Variants in U2SURP observed in about 807,000 individuals in gnomAD.
U2SURP encodes the protein U2 snRNP-associated SURP motif-containing protein.
U2SURP carries 9 observed loss-of-function variants against 144.9 expected under a neutral mutation model. The ratio of observed to expected loss-of-function variants is 0.06; its 90% CI spans 0.04 to 0.11. The LOEUF (loss-of-function observed/expected upper bound fraction) is 0.11. Among genes scored for constraint, U2SURP ranks in the 10% least tolerant of loss-of-function variants. The pLI is 1.00. For synonymous variants in U2SURP, 408 were observed against 396.8 expected, an observed-to-expected ratio of 1.03 and a Z score of -0.33; for missense variants, 724 against 1,226.7, an observed-to-expected ratio of 0.59 and a Z score of 6.12.
chr3:143,056,267 A>T (rs746714474), intron 27 of U2SURP, 45 bp from the exon 28 acceptor site: 4 of 1,545,316 alleles, frequency 2.6e-6, no homozygotes, highest in Non-Finnish European at 8.7e-7. Flanking sequence ...AGTTTTGATC[A>T]CATGAGTACT....
chr3:143,004,578 C>CCA (rs1216658142), intron 1 of U2SURP, among the ~76,000 whole-genome samples: 2 of 79,228 alleles, frequency 2.5e-5, no homozygotes, highest in African/African-American at 1.7e-4. Context: ...TTGTGACCCC[C>CCA]CCCCCCCGCC....
intron 2 of U2SURP, chr3:143,011,818 A>G: frequency 2.6e-6 from 1 of 388,648 alleles, no homozygotes. Flanking sequence ...TATAACACTT[A>G]TGCTTACCAA....
chr3:143,026,359 A>G (rs767744544), intron 13 of U2SURP: 6 of 152,146 alleles, frequency 3.9e-5, no homozygotes, highest in Non-Finnish European at 7.4e-5. Context: ...CGTGTACCCC[A>G]TTTTGCAATA....
chr3:143,049,265 CAAAAAAAA>C (rs200930787), intron 24 of U2SURP, among the ~76,000 whole-genome samples: 15 of 81,518 alleles, frequency 1.8e-4, no homozygotes, highest in African/African-American at 2.5e-4. Context: ...GACTCCATCT[CAAAAAAAA>C]AAAAAAAAAA....
At chr3:143,048,261 TTAGACTGTA>T (rs1283254024) in intron 24 of U2SURP, among the ~76,000 whole-genome samples, 4 of 152,238 alleles carry the variant, frequency 2.6e-5, no homozygotes, top group Non-Finnish European at 5.9e-5. Flanking sequence ...TGAGCCTCAG[TTAGACTGTA>T]TCAGCAGGAA....
chr3:143,055,195 G>T, intron 27 of U2SURP, 76 bp downstream of exon 27: 17 of 1,337,136 alleles, frequency 1.3e-5, no homozygotes, highest in South Asian at 1.0e-4. Context: ...AAAATAATTT[G>T]GTTGGCATAC....
chr3:143,010,671 G>T, intron 1 of U2SURP, 144 bp from the exon 2 acceptor site: 1 of 495,628 alleles, frequency 2.0e-6, no homozygotes, highest in South Asian at 4.0e-5. Context: ...CTTTTCATAA[G>T]TCAGAGACTG....
intron 13 of U2SURP, among the ~76,000 whole-genome samples, chr3:143,025,473 G>A (rs1408510467): frequency 6.6e-6 from 1 of 152,048 alleles, no homozygotes. Flanking sequence ...TATAACATTT[G>A]TCCACCTAGT....
At chr3:143,055,273 C>T (rs1360151040) in intron 27 of U2SURP, among the ~76,000 whole-genome samples, 154 bp downstream of exon 27, 1 of 151,800 alleles carries the variant, frequency 6.6e-6, no homozygotes, top group East Asian at 1.9e-4. Flanking sequence ...TTATTCCTCC[C>T]CACCTCCTCA....
chr3:143,033,901 ATAAC>A (rs1933654429), intron 18 of U2SURP, among the ~76,000 whole-genome samples: 3 of 152,256 alleles, frequency 2.0e-5, no homozygotes, highest in Non-Finnish European at 2.9e-5. Flanking sequence ...TATTGACAGT[ATAAC>A]AAATAGGTGT....
intron 23 of U2SURP, 90 bp from the exon 24 acceptor site, chr3:143,043,020 TTAAGCTC>T (rs1402426481): frequency 1.3e-5 from 16 of 1,226,600 alleles, no homozygotes; most frequent in Non-Finnish European, 1.6e-5. Flanking sequence ...GCTATGTTAT[TTAAGCTC>T]TAAGACAATG....
At chr3:143,038,232 A>G (rs1292397920) in intron 22 of U2SURP, 29 bp downstream of exon 22, 5 of 1,488,798 alleles carry the variant, frequency 3.4e-6, no homozygotes, top group Non-Finnish European at 4.5e-6. Flanking sequence ...AATATTTTTT[A>G]AATTAAGTAC....
At chr3:143,024,065 C>T (rs1302063592) in intron 13 of U2SURP, 47 bp downstream of exon 13, 1 of 1,512,970 alleles carries the variant, frequency 6.6e-7, no homozygotes, top group Admixed American at 1.7e-5. Flanking sequence ...AGACAATATC[C>T]CCTTCTGAAT....
At chr3:143,023,127 T>A in intron 12 of U2SURP, 63 bp downstream of exon 12, 3 of 1,367,494 alleles carry the variant, frequency 2.2e-6, no homozygotes, top group Non-Finnish European at 3.0e-6. Flanking sequence ...GTGGTAGTAT[T>A]TCTTTTCAAC....
intron 19 of U2SURP, among the ~76,000 whole-genome samples, chr3:143,035,288 T>C (rs1261052537): frequency 6.6e-6 from 1 of 152,232 alleles, no homozygotes; most frequent in Non-Finnish European, 1.5e-5. Flanking sequence ...ATTAAAGACA[T>C]ACATTTTAAT....
chr3:143,020,753 T>C lies in U2SURP; in HGVS notation c.733+60T>C, dbSNP rs114428250. ...ATTAATTACAGTAGTTCCCACCTTA[T>C]CCGTGGCGGGTTACATTCCAAGGAT... is the stretch of plus-strand genomic sequence containing the variant. On this transcript the variant is annotated intron_variant, in intron 8 of 27. Transcript: ENST00000473835. The C allele has an allele frequency of 3.1e-3, 4,123 of 1,322,184 alleles. 60 individuals are homozygous for C. The African/African-American group carries it at 0.043, about 14-fold the overall frequency. 81.9% of individuals were successfully genotyped at this position (1,322,184 alleles called of 1,614,324 possible).
chr3:143,016,397 A>G (rs1344431334), intron 5 of U2SURP, 26 bp downstream of exon 5: 2 of 1,587,980 alleles, frequency 1.3e-6, no homozygotes, highest in Non-Finnish European at 1.7e-6. Flanking sequence ...ATAACTGCTA[A>G]TAAAGCATAA....
At chr3:143,044,048 C>T (rs1292012721) in intron 24 of U2SURP, among the ~76,000 whole-genome samples, 7 of 152,068 alleles carry the variant, frequency 4.6e-5, no homozygotes, top group East Asian at 1.9e-4. Flanking sequence ...CCACCACACC[C>T]GGCAAGAAAT....
In U2SURP at chr3:143,057,801, T is replaced by C. The variant is rs1465805185; in HGVS notation, c.*1351T>C. Reference sequence around the variant, plus strand: ...ATTTAGCTTGCTTTTTAAAAAAATCTTTTCAACTTGTTTTACTTAATCTTG... The same window carrying C: ...ATTTAGCTTGCTTTTTAAAAAAATCCTTTCAACTTGTTTTACTTAATCTTG... On this transcript the variant is annotated 3_prime_UTR_variant, in exon 28 of 28. Coordinates refer to ENST00000473835, the MANE Select transcript of U2SURP (RefSeq NM_001080415.2). 1 of 152,246 alleles carries C rather than the reference T, an allele frequency of 6.6e-6. No homozygotes were observed. The highest frequency in any genetic ancestry group is 2.4e-5 in the African/African-American group (1 of 41,414). The allele number at this position is 152,246 out of a possible 1,614,324, so 9.4% of individuals were successfully genotyped here.
Sources: allele counts gnomAD v4.1 joint callset (sites outside exome capture counted in the v4.1 genomes callset), GRCh38; gene constraint gnomAD v4.1.1; transcripts MANE v1.5; gene names NCBI Gene and HGNC (gene_info 2026-07-23, HGNC 2026-07-21).